The following DTWD2 variants were observed in gnomAD, a reference collection of about 807,000 sequenced individuals.
DTWD2 encodes DTW motif tRNA-uridine aminocarboxypropyltransferase 2, also known as tRNA-uridine aminocarboxypropyltransferase 2.
In DTWD2, 39 loss-of-function variants were observed where a neutral mutation model predicts 31.8. The observed-to-expected ratio is 1.22, with a 90% CI of 0.95 to 1.60. The LOEUF (loss-of-function observed/expected upper bound fraction) is 1.60. Among genes scored for constraint, DTWD2 ranks in the 40% most tolerant of loss-of-function variants. The pLI, the probability that DTWD2 is intolerant of heterozygous loss-of-function variation, is 0.00. For synonymous variants in DTWD2, 180 were observed against 142.8 expected (o/e 1.26, Z -1.86); for missense variants, 515 against 381.5 (o/e 1.35, Z -2.92).
intron 4 of DTWD2, among the ~76,000 whole-genome samples, chr5:118,867,036 G>T (rs1442755006): frequency 6.6e-6 from 1 of 151,876 alleles, no homozygotes; most frequent in Non-Finnish European, 1.5e-5. Context: ...TTTTTAGGCT[G>T]AAAAAAACAG....
intron 4 of DTWD2, among the ~76,000 whole-genome samples, chr5:118,866,744 C>T (rs1224162293): frequency 6.6e-6 from 1 of 151,878 alleles, no homozygotes; most frequent in Admixed American, 6.6e-5. Context: ...TGGTGAAACC[C>T]CATCTCTACT....
Position 118,942,284 on chromosome 5 carries a change from A to T in DTWD2, c.309+2275T>A, listed in dbSNP as rs550497326. Among the ~76,000 whole-genome samples, 5 of 152,268 alleles carry T rather than the reference A, an allele frequency of 3.3e-5. No homozygotes were observed. The East Asian group carries it at 9.6e-4, about 29-fold the overall frequency. ...CAGCTCTTAGGGAGGCAGAGGTTGG[A>T]GGATAACTTGAGCCATGGGTTTGAG... is the stretch of plus-strand genomic sequence containing the variant. On this transcript the variant is annotated intron_variant, in intron 2 of 5. Transcript: ENST00000510708.
chr5:118,866,992 AGTT>A (rs1397024285), intron 4 of DTWD2, among the ~76,000 whole-genome samples: 8 of 152,292 alleles, frequency 5.3e-5, no homozygotes, highest in East Asian at 3.9e-4. Context: ...AATACATTAT[AGTT>A]GTTGTTGTTA....
intron 1 of DTWD2, among the ~76,000 whole-genome samples, chr5:118,959,285 G>C (rs1754656857): frequency 6.6e-6 from 1 of 152,032 alleles, no homozygotes; most frequent in African/African-American, 2.4e-5. Context: ...AAAATCAGTA[G>C]CATTTCTATA....
chr5:118,902,604 C>A (rs1753237242), intron 4 of DTWD2, among the ~76,000 whole-genome samples: 1 of 151,990 alleles, frequency 6.6e-6, no homozygotes, highest in Non-Finnish European at 1.5e-5. Flanking sequence ...AGTTTCTGAT[C>A]AATGTAAACA....
At chr5:118,899,335 T>C (rs972941248) in intron 4 of DTWD2, among the ~76,000 whole-genome samples, 11 of 152,212 alleles carry the variant, frequency 7.2e-5, no homozygotes, top group African/African-American at 2.7e-4. Context: ...ATATGGTGTA[T>C]GTAAACAGAA....
At chr5:118,873,428 G>A (rs1242424872) in intron 4 of DTWD2, among the ~76,000 whole-genome samples, 1 of 152,184 alleles carries the variant, frequency 6.6e-6, no homozygotes, top group Non-Finnish European at 1.5e-5. Context: ...CATACCTTCT[G>A]CACAGACAGA....
At chr5:118,952,897 G>A (rs1754497690) in intron 1 of DTWD2, among the ~76,000 whole-genome samples, 1 of 152,146 alleles carries the variant, frequency 6.6e-6, no homozygotes, top group Non-Finnish European at 1.5e-5. Context: ...TTAGTCGTAT[G>A]TATTTCCTTT....
At chr5:118,916,590 G>A (rs1255175455) in intron 4 of DTWD2, among the ~76,000 whole-genome samples, 3 of 151,592 alleles carry the variant, frequency 2.0e-5, no homozygotes, top group African/African-American at 4.9e-5. Flanking sequence ...ACTTGAACCC[G>A]GGATGCGGAG....
rs1159675569 is a variant in DTWD2, at chr5:118,836,557, A to G, written c.*4360T>C. 6.6e-6 allele frequency among the ~76,000 whole-genome samples: 1 copy of G among 152,228 alleles called. No homozygotes were observed. Among genetic ancestry groups the G allele is most frequent in the Non-Finnish European group, 1.5e-5 (1 of 68,038 alleles). ...TGGCTCAAGTGAATAATTCTTAAAA[A>G]TTGAAAAACAATTACTTATTTCTCT... On this transcript the variant is annotated 3_prime_UTR_variant, in exon 6 of 6. Coordinates refer to ENST00000510708, the MANE Select transcript of DTWD2 (RefSeq NM_173666.4).
At chr5:118,863,268 G>A (rs960212685) in intron 4 of DTWD2, among the ~76,000 whole-genome samples, 4 of 152,156 alleles carry the variant, frequency 2.6e-5, no homozygotes, top group Non-Finnish European at 4.4e-5. Context: ...AAGTTCCACA[G>A]ACTCCACAAG....
intron 4 of DTWD2, among the ~76,000 whole-genome samples, chr5:118,925,777 G>A (rs986463624): frequency 1.4e-4 from 22 of 151,974 alleles, no homozygotes; most frequent in Middle Eastern, 6.8e-3. Context: ...CCCGGGAGGC[G>A]GAGCTGGCAG....
At chr5:118,842,750 T>C (rs926398599) in intron 5 of DTWD2, among the ~76,000 whole-genome samples, 2 of 148,816 alleles carry the variant, frequency 1.3e-5, no homozygotes, top group African/African-American at 5.0e-5. Context: ...CCAGGCAACA[T>C]GGCAAGACCC....
chr5:118,977,637 G>A (rs982718866), intron 1 of DTWD2, among the ~76,000 whole-genome samples: 2 of 152,148 alleles, frequency 1.3e-5, no homozygotes, highest in Non-Finnish European at 2.9e-5. Context: ...CAAGGGAAGT[G>A]AAGGACCTCT....
chr5:118,982,286 G>A (rs1415001770), intron 1 of DTWD2, among the ~76,000 whole-genome samples: 7 of 152,130 alleles, frequency 4.6e-5, no homozygotes, highest in African/African-American at 1.2e-4. Flanking sequence ...TCTACCTATC[G>A]GAGGGTAAAA....
At chr5:118,943,249 C>T (rs1022742954) in intron 2 of DTWD2, among the ~76,000 whole-genome samples, 2 of 152,274 alleles carry the variant, frequency 1.3e-5, no homozygotes, top group South Asian at 4.2e-4. Flanking sequence ...CATGATGCTG[C>T]TAAGACTGAG....
At chr5:118,855,531 T>C (rs557516134) in intron 4 of DTWD2, among the ~76,000 whole-genome samples, 2 of 152,130 alleles carry the variant, frequency 1.3e-5, no homozygotes, top group South Asian at 4.2e-4. Context: ...AACACTAACC[T>C]AAATTTCGAC....
chr5:118,887,327 A>G (rs1173961807), intron 4 of DTWD2, among the ~76,000 whole-genome samples: 1 of 152,236 alleles, frequency 6.6e-6, no homozygotes, highest in African/African-American at 2.4e-5. Context: ...TCCCAGCTCA[A>G]CTGACATTTG....
chr5:118,912,053 C>T (rs550576368), intron 4 of DTWD2, among the ~76,000 whole-genome samples: 3 of 152,316 alleles, frequency 2.0e-5, no homozygotes, highest in African/African-American at 4.8e-5. Flanking sequence ...TTAGAAGACA[C>T]CTTTCTATAA....
Sources: gnomAD v4.1 joint callset for allele counts (sites outside exome capture counted in the v4.1 genomes callset) on GRCh38, gnomAD v4.1.1 for gene constraint, MANE v1.5 for transcripts, NCBI Gene and HGNC (gene_info 2026-07-23, HGNC 2026-07-21) for gene names.